Variants in LRRC4C observed in about 807,000 individuals in gnomAD.
LRRC4C encodes leucine rich repeat containing 4C, also known as leucine-rich repeat-containing protein 4C.
LRRC4C carries 5 observed loss-of-function variants against 33.6 expected under a neutral mutation model. The observed-to-expected ratio is 0.15, with a 90% CI of 0.08 to 0.31. The LOEUF (loss-of-function observed/expected upper bound fraction) is 0.31, where lower values mean the gene tolerates loss of function less well. Among genes scored for constraint, LRRC4C ranks in the 10% least tolerant of loss-of-function variants. The pLI, the probability that LRRC4C is intolerant of heterozygous loss-of-function variation, is 1.00. For missense variants in LRRC4C, 560 were observed against 796.7 expected (o/e 0.70, Z 3.58); for synonymous variants, 329 against 302.0 (o/e 1.09, Z -0.93).
At chr11:40,640,358 A>G (rs1942033168) in intron 3 of LRRC4C, among the ~76,000 whole-genome samples, 1 of 152,148 alleles carries the variant, frequency 6.6e-6, no homozygotes, top group African/African-American at 2.4e-5. Context: ...CGGAAGAAAT[A>G]TTCTGAAATA....
chr11:41,021,206 A>T (rs370521583), intron 1 of LRRC4C, among the ~76,000 whole-genome samples: 45,367 of 84,006 alleles, frequency 0.54, 8,392 homozygotes, highest in Middle Eastern at 0.61. Context: ...AGAGAGAGAG[A>T]GAGAGAGAGT....
chr11:40,556,184 A>C (rs1957325772), intron 3 of LRRC4C, among the ~76,000 whole-genome samples: 1 of 152,266 alleles, frequency 6.6e-6, no homozygotes, highest in African/African-American at 2.4e-5. Context: ...GGCATATTTA[A>C]GCCATAGCAA....
chr11:41,187,346 G>A (rs1945740358), intron 1 of LRRC4C, among the ~76,000 whole-genome samples: 1 of 152,188 alleles, frequency 6.6e-6, no homozygotes, highest in South Asian at 2.1e-4. Flanking sequence ...GGCAGAAGAG[G>A]ACACAAGTAA....
chr11:40,658,058 A>C (rs115792712), intron 2 of LRRC4C, among the ~76,000 whole-genome samples: 1 of 152,246 alleles, frequency 6.6e-6, no homozygotes, highest in Admixed American at 6.5e-5. Flanking sequence ...TGAATCAAAG[A>C]GTCAATATTT....
intron 3 of LRRC4C, among the ~76,000 whole-genome samples, chr11:40,423,864 A>G (rs1461327717): frequency 6.6e-6 from 1 of 152,246 alleles, no homozygotes; most frequent in Non-Finnish European, 1.5e-5. Flanking sequence ...GTTATTTGGA[A>G]TAAAGTGTAT....
At chr11:40,127,883 A>G (rs1443958504) in intron 6 of LRRC4C, among the ~76,000 whole-genome samples, 1 of 152,208 alleles carries the variant, frequency 6.6e-6, no homozygotes, top group East Asian at 1.9e-4. Flanking sequence ...TCTGCAAGTC[A>G]GGAAAAGAGG....
chr11:40,194,149 T>C (rs377186798), intron 5 of LRRC4C, among the ~76,000 whole-genome samples: 2 of 152,224 alleles, frequency 1.3e-5, no homozygotes, highest in South Asian at 4.1e-4. Context: ...CCAAGGCACA[T>C]AATTGTCAGA....
At chr11:40,930,663 C>T (rs1565214291) in intron 2 of LRRC4C, among the ~76,000 whole-genome samples, 1 of 152,132 alleles carries the variant, frequency 6.6e-6, no homozygotes, top group Non-Finnish European at 1.5e-5. Flanking sequence ...TGAATTGCTG[C>T]TGTGTCTAGA....
intron 3 of LRRC4C, among the ~76,000 whole-genome samples, chr11:40,592,377 G>A (rs1430784679): frequency 6.6e-6 from 1 of 152,144 alleles, no homozygotes; most frequent in African/African-American, 2.4e-5. Flanking sequence ...CCCATTCCTG[G>A]AGTTTCTAAT....
At chr11:41,051,065 G>T (rs1397188762) in intron 1 of LRRC4C, among the ~76,000 whole-genome samples, 1 of 152,100 alleles carries the variant, frequency 6.6e-6, no homozygotes. Context: ...CACAATCTGA[G>T]ACTATTCATA....
intron 2 of LRRC4C, among the ~76,000 whole-genome samples, chr11:40,826,905 AAATC>A: frequency 6.6e-6 from 1 of 152,020 alleles, no homozygotes; most frequent in Non-Finnish European, 1.5e-5. Context: ...TACTAAAAAT[AAATC>A]AATCATATCA....
intron 2 of LRRC4C, among the ~76,000 whole-genome samples, chr11:40,684,269 G>C (rs1288262128): frequency 2.0e-5 from 3 of 151,854 alleles, no homozygotes; most frequent in African/African-American, 7.3e-5. Context: ...GAATAAAGAA[G>C]AGGAAGCATT....
chr11:40,411,513 T>C (rs1372570491), intron 3 of LRRC4C, among the ~76,000 whole-genome samples: 1 of 152,090 alleles, frequency 6.6e-6, no homozygotes, highest in African/African-American at 2.4e-5. Context: ...TATTTCTTCT[T>C]TTTGAACACT....
intron 1 of LRRC4C, among the ~76,000 whole-genome samples, chr11:41,401,926 TAA>T (rs1263191169): frequency 6.6e-6 from 1 of 152,014 alleles, no homozygotes; most frequent in African/African-American, 2.4e-5. Context: ...GATTACATCC[TAA>T]GAGACTTTCC....
intron 5 of LRRC4C, among the ~76,000 whole-genome samples, chr11:40,181,571 G>T (rs534058198): frequency 6.6e-6 from 1 of 152,318 alleles, no homozygotes; most frequent in African/African-American, 2.4e-5. Context: ...TGGCAATCAT[G>T]AAAGTCCTAG....
intron 2 of LRRC4C, among the ~76,000 whole-genome samples, chr11:40,751,568 G>A (rs1035423096): frequency 3.3e-5 from 5 of 151,864 alleles, no homozygotes; most frequent in Non-Finnish European, 7.4e-5. Context: ...ATCCATACAA[G>A]GAAAACTACA....
At chr11:40,378,051 T>A (rs1565329427) in intron 3 of LRRC4C, among the ~76,000 whole-genome samples, 1 of 152,094 alleles carries the variant, frequency 6.6e-6, no homozygotes, top group Non-Finnish European at 1.5e-5. Context: ...ATAAACTCAG[T>A]AAATAGCAAA....
intron 2 of LRRC4C, among the ~76,000 whole-genome samples, chr11:40,706,792 C>T (rs965960164): frequency 6.6e-6 from 1 of 152,094 alleles, no homozygotes; most frequent in Non-Finnish European, 1.5e-5. Flanking sequence ...CTCTAAATTA[C>T]CTTGGGCAGT....
intron 1 of LRRC4C, among the ~76,000 whole-genome samples, chr11:41,379,993 C>G (rs1160683809): frequency 6.6e-6 from 1 of 152,020 alleles, no homozygotes; most frequent in Non-Finnish European, 1.5e-5. Context: ...CAAACACACA[C>G]ACACTATTGT....
Sources: gnomAD v4.1 joint callset for allele counts (sites outside exome capture counted in the v4.1 genomes callset) on GRCh38, gnomAD v4.1.1 for gene constraint, MANE v1.5 for transcripts, NCBI Gene and HGNC (gene_info 2026-07-23, HGNC 2026-07-21) for gene names.